The following ZNF487 variants were observed in gnomAD, a reference collection of about 807,000 sequenced individuals.
ZNF487 encodes KRAB domain only 1.
ZNF487 carries 4 observed loss-of-function variants against 3.0 expected under a neutral mutation model. That is an observed-to-expected ratio of 1.35 (90% CI 0.66 to 3.08). The LOEUF (loss-of-function observed/expected upper bound fraction) is 3.08. Ranked by LOEUF, ZNF487 falls within the 30% of genes most tolerant of loss-of-function variation. ZNF487 has a pLI of 0.01. For synonymous variants in ZNF487, 55 were observed against 34.6 expected, an observed-to-expected ratio of 1.59 and a Z score of -2.06; for missense variants, 146 against 98.7, an observed-to-expected ratio of 1.48 and a Z score of -2.03.
At chr10:43,455,563 C>T (rs540013671) in intron 1 of ZNF487, among the ~76,000 whole-genome samples, 1 of 152,368 alleles carries the variant, frequency 6.6e-6, no homozygotes, top group East Asian at 1.9e-4. Flanking sequence ...CGACGCAGCT[C>T]AGGGCGGGGC....
chr10:43,510,346 C>A, the ZNF487 span, among the ~76,000 whole-genome samples: 1 of 152,112 alleles, frequency 6.6e-6, no homozygotes, highest in Non-Finnish European at 1.5e-5. Flanking sequence ...CCTGAAGGGT[C>A]TGGGTCATTT....
the ZNF487 span, among the ~76,000 whole-genome samples, chr10:43,490,160 G>A: frequency 6.6e-6 from 1 of 152,096 alleles, no homozygotes; most frequent in African/African-American, 2.4e-5. Flanking sequence ...GATGATCCTG[G>A]GCAACATGGT....
chr10:43,441,061 T>TTTTC (rs1839588124), intron 1 of ZNF487, among the ~76,000 whole-genome samples: 1 of 130,696 alleles, frequency 7.7e-6, no homozygotes, highest in African/African-American at 2.9e-5. Flanking sequence ...TTTTTTTTTT[T>TTTTC]TTTTTTTGGT....
chr10:43,515,891 C>T, the ZNF487 span, among the ~76,000 whole-genome samples: 2 of 152,176 alleles, frequency 1.3e-5, no homozygotes, highest in African/African-American at 4.8e-5. Context: ...TCCCCTGCCT[C>T]AGCCTCTTGA....
At chr10:43,514,341 A>C in the ZNF487 span, among the ~76,000 whole-genome samples, 5 of 152,140 alleles carry the variant, frequency 3.3e-5, no homozygotes, top group Admixed American at 3.3e-4. Context: ...GGGTTTCACC[A>C]TGTTGGCCAG....
At chr10:43,444,568 G>A (rs1344367963) in intron 1 of ZNF487, among the ~76,000 whole-genome samples, 2 of 151,566 alleles carry the variant, frequency 1.3e-5, no homozygotes, top group African/African-American at 2.4e-5. Context: ...CAGGTTGTTC[G>A]TTTTTTGTTT....
chr10:43,481,745 G>A lies in ZNF487; in HGVS notation c.447G>A (p.Gly149=). The change falls in exon 4 of 4, where the codon GGG becomes GGA. Residue 149 remains glycine (G), a synonymous_variant. Coordinates refer to ENST00000437590, the MANE Select transcript of ZNF487 (RefSeq NM_001355444.3). ...AGCGTGAGAATCCTTATGCCAGAGG[G>A]AAACCTTTGGAATATGATGGAAATG... The part of the protein sequence containing the change: ...CMKRENPYAR[G]KPLEYDGNGK... The A allele has an allele frequency of 1.4e-6, 1 of 715,940 alleles. No homozygotes were observed. The highest frequency in any genetic ancestry group is 2.6e-6 in the Non-Finnish European group (1 of 385,080). The allele number at this position is 715,940 out of a possible 1,614,324, so 44.3% of individuals were successfully genotyped here.
At chr10:43,472,153 C>T (rs916555212) in intron 1 of ZNF487, among the ~76,000 whole-genome samples, 1 of 152,148 alleles carries the variant, frequency 6.6e-6, no homozygotes. Context: ...TCTCTGGGGC[C>T]TGATCCCTCC....
intron 1 of ZNF487, among the ~76,000 whole-genome samples, chr10:43,451,622 A>G (rs889998362): frequency 4.6e-5 from 7 of 150,748 alleles, no homozygotes; most frequent in Admixed American, 1.3e-4. Context: ...CTGGAGTGCA[A>G]TGGCGTGATC....
the ZNF487 span, among the ~76,000 whole-genome samples, chr10:43,497,875 G>A: frequency 6.6e-6 from 1 of 150,790 alleles, no homozygotes; most frequent in South Asian, 2.1e-4. Flanking sequence ...GCTGAGGCAG[G>A]AGAATGGCGT....
chr10:43,442,752 T>C (rs1839663398), intron 1 of ZNF487, among the ~76,000 whole-genome samples: 1 of 152,122 alleles, frequency 6.6e-6, no homozygotes, highest in African/African-American at 2.4e-5. Flanking sequence ...CCTGGAATTA[T>C]TTTATAAGCA....
intron 1 of ZNF487, among the ~76,000 whole-genome samples, chr10:43,473,646 G>A (rs1840985931): frequency 6.6e-6 from 1 of 152,022 alleles, no homozygotes; most frequent in South Asian, 2.1e-4. Context: ...AGCCTCCTGA[G>A]TAGCTGGGAT....
the ZNF487 span, among the ~76,000 whole-genome samples, chr10:43,491,599 C>T: frequency 5.9e-5 from 9 of 151,744 alleles, no homozygotes; most frequent in Non-Finnish European, 1.3e-4. Context: ...TCCGAGACCC[C>T]TCTAGCCCTT....
the ZNF487 span, among the ~76,000 whole-genome samples, chr10:43,501,862 A>G: frequency 6.6e-6 from 1 of 152,038 alleles, no homozygotes; most frequent in South Asian, 2.1e-4. Flanking sequence ...AACCATTTAC[A>G]ATAGCATTAA....
At chr10:43,478,634 G>A (rs775376832) in intron 3 of ZNF487, among the ~76,000 whole-genome samples, 12 of 152,050 alleles carry the variant, frequency 7.9e-5, no homozygotes, top group South Asian at 4.2e-4. Flanking sequence ...TGGGAGGATC[G>A]CTTGAGCCCA....
At chr10:43,473,841 C>T (rs1424948888) in intron 1 of ZNF487, among the ~76,000 whole-genome samples, 1 of 151,734 alleles carries the variant, frequency 6.6e-6, no homozygotes, top group Non-Finnish European at 1.5e-5. Flanking sequence ...ACCTGGGTAA[C>T]ATAGTGAGAC....
At chr10:43,478,472 G>A (rs1448684278) in intron 3 of ZNF487, among the ~76,000 whole-genome samples, 1 of 152,212 alleles carries the variant, frequency 6.6e-6, no homozygotes, top group Non-Finnish European at 1.5e-5. Flanking sequence ...AGAATCACTT[G>A]AACCCAGGAG....
chr10:43,519,069 ATCT>A, the ZNF487 span, among the ~76,000 whole-genome samples: 1 of 151,492 alleles, frequency 6.6e-6, no homozygotes, highest in South Asian at 2.1e-4. Flanking sequence ...ACCACTTTAA[ATCT>A]TCTAGCTCTC....
At chr10:43,519,098 T>G in the ZNF487 span, among the ~76,000 whole-genome samples, 1 of 152,130 alleles carries the variant, frequency 6.6e-6, no homozygotes, top group African/African-American at 2.4e-5. Flanking sequence ...AATTTTTTTT[T>G]TGAGATGGGG....
Sources: allele counts gnomAD v4.1 joint callset (sites outside exome capture counted in the v4.1 genomes callset), GRCh38; gene constraint gnomAD v4.1.1; transcripts MANE v1.5; gene names NCBI Gene and HGNC (gene_info 2026-07-23, HGNC 2026-07-21).